FRY: variants seen among roughly 807,000 people sequenced by gnomAD.
FRY encodes FRY microtubule binding protein, also known as protein furry homolog.
In FRY, 128 loss-of-function variants were observed where a neutral mutation model predicts 348.4. The observed-to-expected ratio is 0.37, with a 90% CI of 0.32 to 0.43. FRY has a LOEUF of 0.43. Ranked by LOEUF, FRY falls within the 20% of genes least tolerant of loss-of-function variation. The pLI is 1.00. For missense variants in FRY, 2,736 were observed against 3,695.2 expected (o/e 0.74, Z 6.73); for synonymous variants, 1,370 against 1,374.7 (o/e 1.00, Z 0.08).
intron 3 of FRY, 70 bp downstream of exon 3, chr13:32,102,086 C>A: frequency 1.1e-6 from 1 of 876,414 alleles, no homozygotes; most frequent in Non-Finnish European, 2.0e-6. Context: ...GGTCTGCATG[C>A]TCACTATTGT....
At position 32,297,054 on chromosome 13, in the gene FRY, G is replaced by A. The variant is rs1378194424; in HGVS notation, c.*1594G>A. On this transcript the variant is annotated 3_prime_UTR_variant, in exon 61 of 61. Transcript: ENST00000542859. The stretch of plus-strand genomic sequence containing the variant: ...AGAAACATGTAACAATCTCATTTAT[G>A]CCGTCTTTCTACTCATATTTTACAT... 1 of 152,146 alleles carries A rather than the reference G, an allele frequency of 6.6e-6. No individual in the cohort carries two copies. The highest frequency in any genetic ancestry group is 1.5e-5 in the Non-Finnish European group (1 of 68,024). 9.4% of individuals were successfully genotyped at this position (152,146 alleles called of 1,614,324 possible).
In FRY at chr13:32,080,144, T is replaced by A. The variant is rs181728627; in HGVS notation, c.270+1111T>A. ...ATCAGTGGATGTTATATTTATCCATTCTGTTCATAAAGTTCTCTTCATTTA... is the reference window on the plus strand; with the variant it reads ...ATCAGTGGATGTTATATTTATCCATACTGTTCATAAAGTTCTCTTCATTTA... On this transcript the variant is annotated intron_variant, in intron 2 of 60. Transcript: ENST00000542859. Among the ~76,000 whole-genome samples, 266 of 152,358 alleles carry A rather than the reference T, an allele frequency of 1.7e-3. 3 individuals are homozygous for A. The highest frequency in any genetic ancestry group is 6.1e-3 in the African/African-American group (254 of 41,582).
chr13:32,117,223 A>G (rs1878353790), intron 3 of FRY, 111 bp from the exon 4 acceptor site: 1 of 952,344 alleles, frequency 1.1e-6, no homozygotes, highest in Non-Finnish European at 1.7e-6. Context: ...GGACTGTGAT[A>G]CGGAAGAAAA....
At chr13:32,212,511 A>G in intron 35 of FRY, 129 bp downstream of exon 35, 1 of 674,916 alleles carries the variant, frequency 1.5e-6, no homozygotes, top group Non-Finnish European at 2.7e-6. Context: ...GTTTTTAGAA[A>G]CTCAGACTTA....
chr13:32,103,208 A>C (rs1877279056), intron 3 of FRY, among the ~76,000 whole-genome samples: 1 of 152,236 alleles, frequency 6.6e-6, no homozygotes, highest in South Asian at 2.1e-4. Flanking sequence ...GTGAAATGGA[A>C]GATGGGCCTC....
chr13:32,282,294 C>G (rs538707116), intron 58 of FRY, among the ~76,000 whole-genome samples: 1 of 152,222 alleles, frequency 6.6e-6, no homozygotes, highest in Non-Finnish European at 1.5e-5. Flanking sequence ...GCCAGTTACT[C>G]TGAGCACACC....
intron 2 of FRY, among the ~76,000 whole-genome samples, chr13:32,088,544 C>T (rs1394052551): frequency 6.6e-6 from 1 of 152,148 alleles, no homozygotes. Flanking sequence ...GGTGATCTTT[C>T]AGATGAGCTC....
Position 32,211,049 on chromosome 13 carries a change from C to G in FRY, c.4591+15C>G. On this transcript the variant is annotated intron_variant, in intron 34 of 60. Coordinates refer to ENST00000542859, the MANE Select transcript of FRY (RefSeq NM_023037.3). ...AGCAGCCTCAGGTAAGAAGAGCAAC[C>G]GGGCAGACACCTGGTCACAGATCCC... is the stretch of plus-strand genomic sequence containing the variant. 6.2e-7 allele frequency: 1 copy of G among 1,612,120 alleles called. No homozygotes were observed. Among genetic ancestry groups the G allele is most frequent in the Non-Finnish European group, 8.5e-7 (1 of 1,178,246 alleles).
At chr13:32,241,385 A>C (rs1161756545) in intron 46 of FRY, among the ~76,000 whole-genome samples, 1 of 152,248 alleles carries the variant, frequency 6.6e-6, no homozygotes, top group African/African-American at 2.4e-5. Context: ...ATGCTAAGTG[A>C]AATAGGCCAG....
At chr13:32,135,302 C>T in intron 10 of FRY, 119 bp downstream of exon 10, 1 of 701,022 alleles carries the variant, frequency 1.4e-6, no homozygotes, top group Non-Finnish European at 2.5e-6. Flanking sequence ...CTAAAGCTCC[C>T]TCAAAAAGAG....
chr13:32,149,394 G>C (rs1417627056), intron 13 of FRY, among the ~76,000 whole-genome samples: 3 of 152,154 alleles, frequency 2.0e-5, no homozygotes, highest in Middle Eastern at 3.4e-3. Flanking sequence ...TTTTAAAGAG[G>C]TACAGTACAA....
At chr13:32,232,960 C>A (rs1002778625) in intron 41 of FRY, among the ~76,000 whole-genome samples, 3 of 151,914 alleles carry the variant, frequency 2.0e-5, no homozygotes, top group Non-Finnish European at 2.9e-5. Context: ...AATCTCCACA[C>A]ATAAAATCAC....
At position 32,093,408 on chromosome 13, in the gene FRY, A is replaced by T. The variant is rs569398834; in HGVS notation, c.271-8555A>T. Among the ~76,000 whole-genome samples the T allele has an allele frequency of 3.1e-3, 467 of 152,052 alleles. 6 individuals are homozygous for T. Among genetic ancestry groups the T allele is most frequent in the African/African-American group, 9.5e-3 (392 of 41,476 alleles). Reference sequence around the variant, plus strand: ...CTCCCCCTCCATTTCTCTTTTTTTTACCCTCTCAAAACTTATTTATTGAGG... The same window carrying T: ...CTCCCCCTCCATTTCTCTTTTTTTTTCCCTCTCAAAACTTATTTATTGAGG... On this transcript the variant is annotated intron_variant, in intron 2 of 60. Coordinates refer to ENST00000542859, the MANE Select transcript of FRY (RefSeq NM_023037.3).
chr13:32,250,956 A>C (rs1251301903), intron 49 of FRY, among the ~76,000 whole-genome samples: 1 of 152,182 alleles, frequency 6.6e-6, no homozygotes, highest in African/African-American at 2.4e-5. Flanking sequence ...CCTTAACCTC[A>C]AAGTCCTCCT....
Position 32,228,577 on chromosome 13 carries a change from C to T in FRY, c.5328C>T (p.Thr1776=), listed in dbSNP as rs779230084. 6.2e-7 allele frequency: 1 copy of T among 1,613,922 alleles called. No individual in the cohort carries two copies. The highest frequency in any genetic ancestry group is 1.1e-5 in the South Asian group (1 of 91,074). Residue 1776 remains threonine (T), a synonymous_variant, in exon 40 of 61, where the codon ACC becomes ACT. Transcript: ENST00000542859. ...GCAGTGGAAACCTCCCACAGATGAC[C>T]CAGGAGGTAGAAGATGTGGACACAG... ...GGSSGNLPQM[T]QEVEDVDTAA... is the part of the protein sequence containing the mutation.
chr13:32,254,778 T>G (rs1235661864), intron 51 of FRY, among the ~76,000 whole-genome samples: 1 of 152,248 alleles, frequency 6.6e-6, no homozygotes, highest in Non-Finnish European at 1.5e-5. Flanking sequence ...ATTTCTAATG[T>G]GAAGTTTCTC....
chr13:32,057,593 G>A (rs965767417), intron 1 of FRY, among the ~76,000 whole-genome samples: 4 of 152,098 alleles, frequency 2.6e-5, no homozygotes, highest in African/African-American at 9.7e-5. Flanking sequence ...ACACACTCAG[G>A]AACTTCCTTC....
intron 17 of FRY, among the ~76,000 whole-genome samples, chr13:32,165,939 T>C (rs1881709779): frequency 6.6e-6 from 1 of 152,222 alleles, no homozygotes; most frequent in Non-Finnish European, 1.5e-5. Context: ...CACGTGCCCT[T>C]GTGATCACAC....
intron 55 of FRY, among the ~76,000 whole-genome samples, chr13:32,271,150 A>C (rs1451784723): frequency 6.6e-6 from 1 of 152,148 alleles, no homozygotes; most frequent in Non-Finnish European, 1.5e-5. Flanking sequence ...GTGAGACATA[A>C]AGAGAAAAGA....
Sources: gnomAD v4.1 joint callset for allele counts (sites outside exome capture counted in the v4.1 genomes callset) on GRCh38, gnomAD v4.1.1 for gene constraint, MANE v1.5 for transcripts, NCBI Gene and HGNC (gene_info 2026-07-23, HGNC 2026-07-21) for gene names.